The following RBMS3 variants were observed in gnomAD, a reference collection of about 807,000 sequenced individuals.
The protein encoded by RBMS3 is RNA-binding motif, single-stranded-interacting protein 3.
RBMS3 carries 27 observed loss-of-function variants against 66.8 expected under a neutral mutation model. The ratio of observed to expected loss-of-function variants is 0.40; its 90% CI spans 0.30 to 0.56. RBMS3 has a LOEUF of 0.56. RBMS3 is among the 20% of genes least tolerant of loss of function. The pLI is 0.40. For missense variants in RBMS3, 513 were observed against 549.5 expected, an observed-to-expected ratio of 0.93 and a Z score of 0.66; for synonymous variants, 188 against 183.0, an observed-to-expected ratio of 1.03 and a Z score of -0.22.
chr3:29,491,825 C>G (rs1559407387), intron 3 of RBMS3, among the ~76,000 whole-genome samples: 1 of 152,140 alleles, frequency 6.6e-6, no homozygotes, highest in Non-Finnish European at 1.5e-5. Flanking sequence ...AACCCTGTCT[C>G]TACTAAAACT....
chr3:29,984,580 C>T (rs1698236535), intron 12 of RBMS3, among the ~76,000 whole-genome samples: 1 of 152,008 alleles, frequency 6.6e-6, no homozygotes, highest in Non-Finnish European at 1.5e-5. Flanking sequence ...ATGCTGGTGA[C>T]CTTCAGATGG....
intron 10 of RBMS3, among the ~76,000 whole-genome samples, chr3:29,928,515 T>C (rs938240871): frequency 7.9e-5 from 12 of 152,076 alleles, no homozygotes; most frequent in Admixed American, 7.9e-4. Context: ...GCAATACATC[T>C]GTATAGGAAA....
At chr3:29,738,870 T>G (rs1056877722) in intron 4 of RBMS3, among the ~76,000 whole-genome samples, 1 of 152,192 alleles carries the variant, frequency 6.6e-6, no homozygotes, top group African/African-American at 2.4e-5. Flanking sequence ...CCCATGGACT[T>G]TGGTGATAGG....
intron 3 of RBMS3, among the ~76,000 whole-genome samples, chr3:29,517,326 T>TGTTTG: frequency 7.4e-6 from 1 of 134,536 alleles, no homozygotes; most frequent in South Asian, 2.3e-4. Flanking sequence ...TATATTTTTT[T>TGTTTG]TTTGTTTTTT....
intron 3 of RBMS3, among the ~76,000 whole-genome samples, chr3:29,509,369 G>A (rs9310903): frequency 0.083 from 12,566 of 152,200 alleles, 905 homozygotes; most frequent in East Asian, 0.37. Flanking sequence ...AATATATAGT[G>A]AGCATTTTCT....
At chr3:29,893,463 G>A (rs1448316000) in intron 8 of RBMS3, among the ~76,000 whole-genome samples, 1 of 151,472 alleles carries the variant, frequency 6.6e-6, no homozygotes, top group Admixed American at 6.6e-5. Context: ...ACGCTAAAAT[G>A]TAATGTGTGG....
chr3:29,738,411 A>C (rs944853331), intron 4 of RBMS3, among the ~76,000 whole-genome samples: 7 of 152,190 alleles, frequency 4.6e-5, no homozygotes, highest in African/African-American at 1.7e-4. Context: ...TAATCTGTCA[A>C]GTTTTTGACT....
At chr3:29,323,488 C>G (rs2035127860) in intron 1 of RBMS3, among the ~76,000 whole-genome samples, 1 of 152,010 alleles carries the variant, frequency 6.6e-6, no homozygotes, top group African/African-American at 2.4e-5. Context: ...AAATTTAAAT[C>G]TATGTTATTT....
Position 29,804,920 on chromosome 3 carries a change from CGTGTGT to C in RBMS3, c.637+41963_637+41968del, listed in dbSNP as rs10576635. ...TTTCTGGGCAAAGAATCTGCGTGTA[CGTGTGT>C]GTGTGTGTGTGTGTGTGTGTGTGTG... On this transcript the variant is annotated intron_variant, in intron 6 of 14. Coordinates refer to ENST00000383767, the MANE Select transcript of RBMS3 (RefSeq NM_001003793.3). 3.6e-3 allele frequency among the ~76,000 whole-genome samples: 526 copies of C among 146,428 alleles called. 3 individuals carry two copies. The highest frequency in any genetic ancestry group is 0.011 in the Middle Eastern group (3 of 282).
intron 1 of RBMS3, among the ~76,000 whole-genome samples, chr3:29,308,086 G>A (rs1161674078): frequency 1.3e-5 from 2 of 151,732 alleles, no homozygotes; most frequent in Non-Finnish European, 2.9e-5. Flanking sequence ...GTTTTAACTA[G>A]CATTTTGTAA....
intron 4 of RBMS3, among the ~76,000 whole-genome samples, chr3:29,600,645 A>G (rs1046164549): frequency 2.0e-5 from 3 of 152,124 alleles, no homozygotes; most frequent in Non-Finnish European, 4.4e-5. Context: ...AATGGTAAAA[A>G]TTTGAGCAAC....
intron 3 of RBMS3, among the ~76,000 whole-genome samples, chr3:29,499,544 A>G (rs1664887201): frequency 6.6e-6 from 1 of 152,184 alleles, no homozygotes; most frequent in Non-Finnish European, 1.5e-5. Flanking sequence ...CATTTTAGAA[A>G]CAGGTATAAT....
chr3:29,837,641 A>C (rs1440394042), intron 6 of RBMS3, among the ~76,000 whole-genome samples: 1 of 128,772 alleles, frequency 7.8e-6, no homozygotes, highest in East Asian at 2.3e-4. Context: ...GATATATATA[A>C]TGAACATATA....
At chr3:29,722,905 TAC>T (rs1273803536) in intron 4 of RBMS3, among the ~76,000 whole-genome samples, 2 of 152,100 alleles carry the variant, frequency 1.3e-5, no homozygotes, top group African/African-American at 2.4e-5. Flanking sequence ...ATGGAAAAGT[TAC>T]AGTTTTCCAT....
chr3:29,935,665 T>G (rs766540829), intron 10 of RBMS3, among the ~76,000 whole-genome samples: 1 of 152,104 alleles, frequency 6.6e-6, no homozygotes, highest in African/African-American at 2.4e-5. Flanking sequence ...GAATTATGTA[T>G]GTATTAATAA....
rs74327566 is a variant in RBMS3 at position 29,413,098 on chromosome 3, C to T, written c.76-21645C>T. Among the ~76,000 whole-genome samples the T allele has an allele frequency of 2.6e-3, 400 of 152,248 alleles. 2 individuals carry two copies. The highest frequency in any genetic ancestry group is 9.2e-3 in the African/African-American group (382 of 41,538). On this transcript the variant is annotated intron_variant, in intron 1 of 14. Transcript: ENST00000383767. Reference sequence around the variant, plus strand: ...AAGAGAGGCAGCAGAAAGCCAGGCGCGGTGGCTCACACCTGTAATCCCAGC... The same window carrying T: ...AAGAGAGGCAGCAGAAAGCCAGGCGTGGTGGCTCACACCTGTAATCCCAGC...
intron 10 of RBMS3, among the ~76,000 whole-genome samples, chr3:29,933,309 C>A (rs1389165525): frequency 2.0e-5 from 3 of 152,108 alleles, no homozygotes; most frequent in Non-Finnish European, 4.4e-5. Flanking sequence ...TTCTTTTCTT[C>A]TTTTGTATTT....
At chr3:29,903,238 G>T (rs1224887335) in intron 10 of RBMS3, 5 of 151,810 alleles carry the variant, frequency 3.3e-5, no homozygotes, top group Non-Finnish European at 5.9e-5. Context: ...GGAACTTATT[G>T]GATCTCCTGG....
At chr3:29,811,834 T>G in intron 6 of RBMS3, among the ~76,000 whole-genome samples, 1 of 152,126 alleles carries the variant, frequency 6.6e-6, no homozygotes, top group East Asian at 1.9e-4. Flanking sequence ...CTGCATTGAT[T>G]TGGAGTTAGG....
Sources: allele counts gnomAD v4.1 joint callset (sites outside exome capture counted in the v4.1 genomes callset), GRCh38; gene constraint gnomAD v4.1.1; transcripts MANE v1.5; gene names NCBI Gene and HGNC (gene_info 2026-07-23, HGNC 2026-07-21).